Variants in MAPK10 observed in about 807,000 individuals in gnomAD.
MAPK10 encodes the protein JNK3 alpha protein kinase.
Under a neutral mutation model 59.3 loss-of-function variants are expected in MAPK10, and 25 were observed. That is an observed-to-expected ratio of 0.42 (90% CI 0.31 to 0.59). The LOEUF is 0.59. MAPK10 is among the 20% of genes least tolerant of loss of function. The pLI, the probability that MAPK10 is intolerant of heterozygous loss-of-function variation, is 0.15. For missense variants in MAPK10, 351 were observed against 568.9 expected (o/e 0.62, Z 3.90); for synonymous variants, 190 against 200.5 (o/e 0.95, Z 0.44).
At chr4:86,505,340 G>T (rs1287748033) in intron 1 of MAPK10, among the ~76,000 whole-genome samples, 1 of 152,094 alleles carries the variant, frequency 6.6e-6, no homozygotes, top group Non-Finnish European at 1.5e-5. Context: ...GCCAGGCAAG[G>T]TGGCTCACAC....
chr4:86,031,326 T>G, intron 12 of MAPK10, 42 bp downstream of exon 12: 1 of 1,365,828 alleles, frequency 7.3e-7, no homozygotes, highest in Non-Finnish European at 1.0e-6. Flanking sequence ...CTTTCTGAGT[T>G]CAATAAAATA....
At chr4:86,508,437 G>A (rs1377938489) in intron 1 of MAPK10, among the ~76,000 whole-genome samples, 1 of 152,108 alleles carries the variant, frequency 6.6e-6, no homozygotes, top group African/African-American at 2.4e-5. Context: ...TATTTCTGGC[G>A]AGCCCTTTCT....
intron 1 of MAPK10, among the ~76,000 whole-genome samples, chr4:86,432,821 C>A (rs1051504206): frequency 6.6e-6 from 1 of 152,140 alleles, no homozygotes; most frequent in African/African-American, 2.4e-5. Context: ...GCAACAAGGG[C>A]AGATGGCTTG....
chr4:86,103,550 C>T (rs768465883), intron 5 of MAPK10, among the ~76,000 whole-genome samples: 57 of 151,786 alleles, frequency 3.8e-4, no homozygotes, highest in Non-Finnish European at 8.8e-5. Context: ...TATGGGCCTT[C>T]GGGGGATTAA....
intron 1 of MAPK10, among the ~76,000 whole-genome samples, chr4:86,420,242 C>G (rs1436910087): frequency 6.6e-6 from 1 of 152,208 alleles, no homozygotes; most frequent in African/African-American, 2.4e-5. Context: ...TGTAAGCCCA[C>G]TTCTCAAACC....
chr4:86,502,639 C>T (rs1315453229), intron 1 of MAPK10, among the ~76,000 whole-genome samples: 1 of 152,012 alleles, frequency 6.6e-6, no homozygotes, highest in African/African-American at 2.4e-5. Flanking sequence ...TTTAAATGTA[C>T]ATTGCCTCTC....
chr4:86,417,563 T>C (rs1746008341), intron 1 of MAPK10, among the ~76,000 whole-genome samples: 1 of 152,228 alleles, frequency 6.6e-6, no homozygotes, highest in Non-Finnish European at 1.5e-5. Flanking sequence ...CTACAGAAAC[T>C]GCATTCTAAT....
At chr4:86,182,742 G>A (rs1328108080) in intron 3 of MAPK10, among the ~76,000 whole-genome samples, 1 of 152,058 alleles carries the variant, frequency 6.6e-6, no homozygotes, top group Admixed American at 6.6e-5. Context: ...TTTTATCAGA[G>A]AAAATTCTAC....
At position 86,276,951 on chromosome 4, in the gene MAPK10, T is replaced by C. The variant is rs1034602652; in HGVS notation, c.-7+77579A>G. ...CCCTTAACCATTGCTATAAACTGCT[T>C]CTTTATCCATAACTTCAACATCTCT... On this transcript the variant is annotated intron_variant, in intron 2 of 13. Coordinates refer to ENST00000641462, the MANE Select transcript of MAPK10 (RefSeq NM_138982.4). 5.9e-5 allele frequency: 9 copies of C among 152,278 alleles called. 2 individuals are homozygous for C. Among genetic ancestry groups the C allele is most frequent in the Admixed American group, 1.3e-4 (2 of 15,268 alleles). 9.4% of individuals were successfully genotyped at this position (152,278 alleles called of 1,614,324 possible).
At chr4:86,303,973 C>T (rs1199180631) in intron 2 of MAPK10, among the ~76,000 whole-genome samples, 1 of 152,210 alleles carries the variant, frequency 6.6e-6, no homozygotes, top group African/African-American at 2.4e-5. Context: ...ACAGTCCCCA[C>T]AGGATCTTCT....
At chr4:86,269,673 C>G (rs1489614079) in intron 2 of MAPK10, among the ~76,000 whole-genome samples, 2 of 152,100 alleles carry the variant, frequency 1.3e-5, no homozygotes, top group African/African-American at 2.4e-5. Flanking sequence ...TACTGCAGCA[C>G]TCTATTCCTA....
chr4:86,250,163 G>A (rs1260348525), intron 2 of MAPK10, among the ~76,000 whole-genome samples: 6 of 152,246 alleles, frequency 3.9e-5, no homozygotes, highest in Non-Finnish European at 5.9e-5. Flanking sequence ...TAGGAATGCC[G>A]ATCTTTACAA....
intron 1 of MAPK10, among the ~76,000 whole-genome samples, chr4:86,497,898 A>G (rs911573665): frequency 3.9e-5 from 6 of 152,210 alleles, no homozygotes; most frequent in Non-Finnish European, 7.3e-5. Flanking sequence ...TCCATTCCAT[A>G]CCACTATGGA....
chr4:86,039,607 C>T (rs796484637), intron 11 of MAPK10, among the ~76,000 whole-genome samples: 17 of 152,304 alleles, frequency 1.1e-4, no homozygotes, highest in African/African-American at 3.6e-4. Flanking sequence ...AGCCCAGCCT[C>T]TGGAACTTCT....
chr4:86,017,050 C>G lies in MAPK10; in HGVS notation c.*178G>C. 1 of 661,798 alleles carries G rather than the reference C, an allele frequency of 1.5e-6. No homozygotes were observed. The highest frequency in any genetic ancestry group is 2.5e-6 in the Non-Finnish European group (1 of 401,836). The allele number at this position is 661,798 out of a possible 1,614,324, so 41.0% of individuals were successfully genotyped here. On this transcript the variant is annotated 3_prime_UTR_variant, in exon 14 of 14. Transcript: ENST00000641462. This position sits in a 1 kb window ranked among gnomAD's most constrained non-coding sequence, Gnocchi z 4.4. The stretch of plus-strand genomic sequence containing the variant: ...TATACATTTGAGCTTAGCTGCAATA[C>G]AGAACCCTGGGGAAGAAGCAGGCTG...
chr4:86,043,918 T>C (rs1018231030), intron 11 of MAPK10, among the ~76,000 whole-genome samples: 2 of 152,198 alleles, frequency 1.3e-5, no homozygotes, highest in Non-Finnish European at 2.9e-5. Flanking sequence ...TATGAGTTAG[T>C]AGCAGAGGCC....
intron 9 of MAPK10, chr4:86,095,292 C>T (rs2054018073): frequency 6.6e-6 from 1 of 151,644 alleles, no homozygotes; most frequent in Admixed American, 6.6e-5. Flanking sequence ...AGTTAAACTT[C>T]AGTCATCAAT....
At chr4:86,115,407 T>A (rs2058149871) in intron 4 of MAPK10, among the ~76,000 whole-genome samples, 1 of 152,002 alleles carries the variant, frequency 6.6e-6, no homozygotes, top group Non-Finnish European at 1.5e-5. Flanking sequence ...ATACGTCAGT[T>A]GATGGAGCAG....
At chr4:86,460,263 T>C (rs1751611133) in intron 1 of MAPK10, among the ~76,000 whole-genome samples, 1 of 152,134 alleles carries the variant, frequency 6.6e-6, no homozygotes, top group Non-Finnish European at 1.5e-5. Context: ...AATGTACATC[T>C]TAAGTGCCAG....
Sources: gnomAD v4.1 joint callset for allele counts (sites outside exome capture counted in the v4.1 genomes callset) on GRCh38, gnomAD v4.1.1 for gene constraint, Gnocchi (gnomAD v3.1) non-coding constraint, MANE v1.5 for transcripts, NCBI Gene and HGNC (gene_info 2026-07-23, HGNC 2026-07-21) for gene names.